Variants in CERS4 observed in about 807,000 individuals in gnomAD.
CERS4 encodes LAG1 homolog, ceramide synthase 4.
CERS4 carries 65 observed loss-of-function variants against 51.8 expected under a neutral mutation model. That is an observed-to-expected ratio of 1.26 (90% confidence interval 1.03 to 1.54). CERS4 has a LOEUF of 1.54. Ranked by LOEUF, CERS4 falls within the 40% of genes most tolerant of loss-of-function variation. CERS4 has a pLI of 0.00. For missense variants in CERS4, 563 were observed against 500.4 expected, an observed-to-expected ratio of 1.13 and a Z score of -1.19; for synonymous variants, 228 against 208.4, an observed-to-expected ratio of 1.09 and a Z score of -0.81.
At position 8,261,719 on chromosome 19, in the gene CERS4, A is replaced by T. The variant is rs764284889; in HGVS notation, c.880A>T (p.Ser294Cys). The T allele has an allele frequency of 6.2e-7, 1 of 1,614,114 alleles. No homozygotes were observed. The highest frequency in any genetic ancestry group is 1.7e-5 in the Admixed American group (1 of 60,006). Residue 294 changes from serine to cysteine, a missense_variant, in exon 11 of 12, where the codon AGC (serine) becomes TGC (cysteine). Physicochemically the swap from Ser to Cys is moderately radical, Grantham distance 112. Coordinates refer to ENST00000251363, the MANE Select transcript of CERS4 (RefSeq NM_024552.3). ...CTACACCACATACTACGAGTCCATC[A>T]GCAACAGGGGCCCCTTCTTCGGCTA... ...ILYTTYYESI[S>C]NRGPFFGYYF...
chr19:8,245,772 G>A (rs889283611), intron 2 of CERS4, among the ~76,000 whole-genome samples: 8 of 150,984 alleles, frequency 5.3e-5, no homozygotes, highest in Non-Finnish European at 1.0e-4. Context: ...ACTCCTGATC[G>A]CAAGTGATCC....
At chr19:8,232,656 A>T (rs1968064017) in intron 2 of CERS4, among the ~76,000 whole-genome samples, 1 of 152,126 alleles carries the variant, frequency 6.6e-6, no homozygotes, top group Non-Finnish European at 1.5e-5. Flanking sequence ...GCCACTGGCT[A>T]CATGTGGCTA....
intron 2 of CERS4, among the ~76,000 whole-genome samples, chr19:8,232,545 G>A (rs2145212631): frequency 6.6e-6 from 1 of 152,008 alleles, no homozygotes; most frequent in Admixed American, 6.6e-5. Flanking sequence ...GCCCACCTCG[G>A]CCTCCCAAAG....
At chr19:8,240,917 C>T (rs984129164) in intron 2 of CERS4, among the ~76,000 whole-genome samples, 2 of 151,746 alleles carry the variant, frequency 1.3e-5, no homozygotes, top group African/African-American at 4.8e-5. Context: ...TATTTTTAGC[C>T]ACTAAGAAGG....
intron 2 of CERS4, among the ~76,000 whole-genome samples, chr19:8,229,092 G>A (rs1967902971): frequency 6.6e-6 from 1 of 151,774 alleles, no homozygotes; most frequent in African/African-American, 2.4e-5. Flanking sequence ...TTGGGAGGCT[G>A]AGGCAGGCGG....
intron 2 of CERS4, among the ~76,000 whole-genome samples, chr19:8,218,633 A>G (rs1474274856): frequency 6.6e-6 from 1 of 152,130 alleles, no homozygotes; most frequent in Non-Finnish European, 1.5e-5. Context: ...GAGATGGGGA[A>G]GGGACAGGCT....
rs777290999 is a variant in CERS4 at position 8,256,660 on chromosome 19, G to A, written c.562G>A (p.Gly188Ser). The A allele has an allele frequency of 6.2e-7, 1 of 1,613,954 alleles. No individual in the cohort carries two copies. Among genetic ancestry groups the A allele is most frequent in the Non-Finnish European group, 8.5e-7 (1 of 1,179,918 alleles). The change falls in exon 8 of 12, where the codon GGT becomes AGT. Residue 188 changes from glycine to serine, a missense_variant. Gly to Ser is a moderately conservative substitution (Grantham distance 56). Coordinates refer to ENST00000251363, the MANE Select transcript of CERS4 (RefSeq NM_024552.3). ...GTACTGGTGGTACCTCTTGGAGCTG[G>A]GTTTCTACCTCTCACTGCTAATCAG... ...SLYWWYLLEL[G>S]FYLSLLIRLP...
At chr19:8,219,291 C>T (rs1967432969) in intron 2 of CERS4, among the ~76,000 whole-genome samples, 1 of 152,152 alleles carries the variant, frequency 6.6e-6, no homozygotes, top group African/African-American at 2.4e-5. Context: ...CTCTGAGGTC[C>T]ACAGTTTGCT....
chr19:8,217,537 G>GT (rs567486585), intron 2 of CERS4, among the ~76,000 whole-genome samples: 2,208 of 134,508 alleles, frequency 0.016, 35 homozygotes, highest in African/African-American at 0.041. Context: ...CCTGGCTAAT[G>GT]TTTTTTTTTT....
At chr19:8,261,571 A>G in intron 10 of CERS4, 117 bp from the exon 11 acceptor site, 1 of 1,179,584 alleles carries the variant, frequency 8.5e-7, no homozygotes, top group Non-Finnish European at 1.2e-6. Flanking sequence ...GGTGGGGGGC[A>G]CTAGGGAGCC....
intron 2 of CERS4, among the ~76,000 whole-genome samples, chr19:8,248,073 C>G (rs950073909): frequency 6.6e-6 from 1 of 152,110 alleles, no homozygotes; most frequent in African/African-American, 2.4e-5. Context: ...GGTGGCGCCT[C>G]CTTAGAGAGC....
chr19:8,252,381 G>A (rs909893712), intron 3 of CERS4, among the ~76,000 whole-genome samples: 3 of 128,214 alleles, frequency 2.3e-5, no homozygotes, highest in African/African-American at 5.9e-5. Context: ...AAAAAAAAAA[G>A]AACAAAAGCC....
chr19:8,232,113 A>G (rs1968037960), intron 2 of CERS4, among the ~76,000 whole-genome samples: 1 of 151,274 alleles, frequency 6.6e-6, no homozygotes, highest in Admixed American at 6.6e-5. Flanking sequence ...TATAGGCATG[A>G]GTTACGACAC....
chr19:8,262,169 T>C lies in CERS4; in HGVS notation c.*60T>C, dbSNP rs1010677887. ...GCCAGTGCCTTGGATATTTCTGGGG[T>C]GACTGGACTGGCGCCCCTGGGCCAC... On this transcript the variant is annotated 3_prime_UTR_variant, in exon 12 of 12. Transcript: ENST00000251363. 3 of 1,390,522 alleles carry C rather than the reference T, an allele frequency of 2.2e-6. No homozygotes were observed. The African/African-American group carries it at 4.4e-5, about 20-fold the overall frequency. 86.1% of individuals were successfully genotyped at this position (1,390,522 alleles called of 1,614,324 possible). A position where few individuals can be genotyped will look rare whatever the true frequency, so the allele number is the denominator to read the frequency against.
At chr19:8,235,007 C>CTTTTTTTTTTTT (rs566104740) in intron 2 of CERS4, among the ~76,000 whole-genome samples, 2 of 127,890 alleles carry the variant, frequency 1.6e-5, no homozygotes, top group Admixed American at 8.4e-5. Context: ...TTCTTTCTTT[C>CTTTTTTTTTTTT]TTTCTTTTTT....
At chr19:8,222,859 TG>T (rs1358362219) in intron 2 of CERS4, among the ~76,000 whole-genome samples, 1 of 152,062 alleles carries the variant, frequency 6.6e-6, no homozygotes, top group Admixed American at 6.6e-5. Flanking sequence ...GACGGACAGG[TG>T]GCCATGAGGG....
chr19:8,241,061 C>A (rs929549727), intron 2 of CERS4, among the ~76,000 whole-genome samples: 2 of 152,106 alleles, frequency 1.3e-5, no homozygotes, highest in African/African-American at 4.8e-5. Context: ...GCCACCCACG[C>A]GGTGGCTCTG....
chr19:8,216,602 C>T (rs1471584779), intron 2 of CERS4, among the ~76,000 whole-genome samples: 1 of 151,966 alleles, frequency 6.6e-6, no homozygotes, highest in East Asian at 1.9e-4. Flanking sequence ...ATAGCAAGAC[C>T]CCATTTCTGA....
intron 2 of CERS4, among the ~76,000 whole-genome samples, chr19:8,245,815 C>G (rs1209995227): frequency 7.0e-6 from 1 of 142,518 alleles, no homozygotes; most frequent in Non-Finnish European, 1.5e-5. Flanking sequence ...GCTGGGATTA[C>G]AGGCTTGAGC....
Sources: allele counts gnomAD v4.1 joint callset (sites outside exome capture counted in the v4.1 genomes callset), GRCh38; gene constraint gnomAD v4.1.1; transcripts MANE v1.5; gene names NCBI Gene and HGNC (gene_info 2026-07-23, HGNC 2026-07-21).